Variants in FZD3 observed in about 807,000 individuals in gnomAD.
FZD3 encodes frizzled-3.
A neutral mutation model predicts 60.7 loss-of-function variants in FZD3; 30 were observed. The ratio of observed to expected loss-of-function variants is 0.49; its 90% CI spans 0.37 to 0.67. The LOEUF is 0.67. Among genes scored for constraint, FZD3 ranks in the 30% least tolerant of loss-of-function variants. The pLI is 0.00. For synonymous variants in FZD3, 246 were observed against 275.2 expected (o/e 0.89, Z 1.05); for missense variants, 605 against 838.7 (o/e 0.72, Z 3.44).
chr8:28,531,184 A>G (rs527836127), intron 5 of FZD3, among the ~76,000 whole-genome samples: 1 of 145,740 alleles, frequency 6.9e-6, no homozygotes, highest in Non-Finnish European at 1.5e-5. Flanking sequence ...GGTATTTTTC[A>G]TTCTCCTGAA....
intron 6 of FZD3, 121 bp from the exon 7 acceptor site, chr8:28,555,617 C>G (rs1805493711): frequency 1.5e-6 from 1 of 662,182 alleles, no homozygotes; most frequent in Non-Finnish European, 2.7e-6. Context: ...CATGTCAGTC[C>G]TATAGATCTA....
In FZD3 at chr8:28,528,120, A is replaced by G. The variant is rs368964858; in HGVS notation, c.1360A>G (p.Ile454Val). The change falls in exon 5 of 8, where the codon ATA (isoleucine) becomes GTA (valine). Residue 454 changes from isoleucine (I) to valine (V), a missense_variant. Coordinates refer to ENST00000240093, the MANE Select transcript of FZD3 (RefSeq NM_017412.4). ...CCGGGGCATCTGGGAAACAACGTGG[A>G]TACAAGAACGCTGCAGAGAATATCA... Reference protein sequence around the residue: ...AYRGIWETTWIQERCREYHIP... With the variant: ...AYRGIWETTWVQERCREYHIP... 1.2e-6 allele frequency: 2 copies of G among 1,613,778 alleles called. No individual in the cohort carries two copies. The highest frequency in any genetic ancestry group is 1.1e-5 in the South Asian group (1 of 91,080).
chr8:28,545,710 T>C (rs1805278102), intron 5 of FZD3, among the ~76,000 whole-genome samples: 1 of 152,236 alleles, frequency 6.6e-6, no homozygotes, highest in Non-Finnish European at 1.5e-5. Flanking sequence ...CTGTGAGAGA[T>C]AATAAATTCT....
intron 3 of FZD3, among the ~76,000 whole-genome samples, chr8:28,508,465 A>C (rs545974435): frequency 1.3e-3 from 186 of 139,742 alleles, no homozygotes; most frequent in African/African-American, 4.8e-3. Context: ...GTCCATCATG[A>C]GTTTATACTG....
At chr8:28,498,158 G>A (rs1373598478) in intron 1 of FZD3, among the ~76,000 whole-genome samples, 1 of 152,110 alleles carries the variant, frequency 6.6e-6, no homozygotes, top group Non-Finnish European at 1.5e-5. Flanking sequence ...TTGCTCTATG[G>A]AGAAGTGAAT....
intron 4 of FZD3, among the ~76,000 whole-genome samples, chr8:28,523,862 C>G (rs1465407128): frequency 6.6e-6 from 1 of 152,074 alleles, no homozygotes; most frequent in Non-Finnish European, 1.5e-5. Context: ...AGGACTCTGC[C>G]CTCATGAATA....
intron 3 of FZD3, among the ~76,000 whole-genome samples, chr8:28,516,489 G>A (rs147811610): frequency 6.6e-6 from 1 of 152,146 alleles, no homozygotes; most frequent in African/African-American, 2.4e-5. Context: ...TCTCTTTTGG[G>A]AGTATTGCCA....
intron 3 of FZD3, among the ~76,000 whole-genome samples, chr8:28,513,199 A>C (rs905787913): frequency 6.6e-6 from 1 of 152,214 alleles, no homozygotes; most frequent in African/African-American, 2.4e-5. Flanking sequence ...CTTGTGTGAC[A>C]GATCACTATA....
intron 3 of FZD3, among the ~76,000 whole-genome samples, chr8:28,510,995 C>T (rs1804272041): frequency 1.3e-5 from 2 of 152,042 alleles, no homozygotes; most frequent in South Asian, 2.1e-4. Context: ...CGAGATCATG[C>T]CACTGCACTC....
intron 3 of FZD3, among the ~76,000 whole-genome samples, chr8:28,504,413 T>C (rs998627947): frequency 1.3e-5 from 2 of 152,204 alleles, no homozygotes; most frequent in Non-Finnish European, 2.9e-5. Flanking sequence ...ATTAAAGCTA[T>C]CAATTTCTCA....
At chr8:28,508,882 A>C (rs997339528) in intron 3 of FZD3, among the ~76,000 whole-genome samples, 2 of 152,152 alleles carry the variant, frequency 1.3e-5, no homozygotes, top group Admixed American at 6.5e-5. Flanking sequence ...CTTATCCTCA[A>C]ATTTATTATA....
chr8:28,540,931 G>T (rs1316420932), intron 5 of FZD3, among the ~76,000 whole-genome samples: 1 of 152,230 alleles, frequency 6.6e-6, no homozygotes, highest in African/African-American at 2.4e-5. Context: ...GGGCGACAGA[G>T]TGAGCCCCTT....
chr8:28,518,310 G>T lies in FZD3; in HGVS notation c.190-2328G>T, dbSNP rs576284518. ...TGAGCTCAGGTGATCCTCCTGCCTC[G>T]GCCTCTCAGAGTGCTGAGATTACAG... On this transcript the variant is annotated intron_variant, in intron 3 of 7. Transcript: ENST00000240093. Among the ~76,000 whole-genome samples the T allele has an allele frequency of 1.1e-4, 17 of 151,246 alleles. No homozygotes were observed. In the South Asian group the frequency reaches 3.1e-3, roughly 28 times the overall value.
chr8:28,508,792 T>C (rs760872173), intron 3 of FZD3, among the ~76,000 whole-genome samples: 9 of 152,226 alleles, frequency 5.9e-5, no homozygotes, highest in Non-Finnish European at 1.0e-4. Flanking sequence ...ACCAAAGTGC[T>C]GGAATTACAG....
Position 28,527,404 on chromosome 8 carries a change from C to G in FZD3, c.644C>G (p.Ser215Trp). The G allele has an allele frequency of 6.2e-7, 1 of 1,613,862 alleles. No individual in the cohort carries two copies. The highest frequency in any genetic ancestry group is 8.5e-7 in the Non-Finnish European group (1 of 1,179,760). Residue 215 changes from serine to tryptophan, a missense_variant, in exon 5 of 8, where the codon TCG (serine) becomes TGG (tryptophan). Transcript: ENST00000240093. The surrounding 1 kb of genome is among the most constrained non-coding windows in gnomAD (Gnocchi z 5.0). ...GGATTGATTTCAATCATTTGCCTCTCGGCCACATTGTTTACTTTTTTAACT... is the reference window on the plus strand; with the variant it reads ...GGATTGATTTCAATCATTTGCCTCTGGGCCACATTGTTTACTTTTTTAACT... ...FIGLISIICL[S>W]ATLFTFLTFL... is the part of the protein sequence containing the mutation.
chr8:28,536,838 A>G (rs1050809512), intron 5 of FZD3, among the ~76,000 whole-genome samples: 1 of 152,228 alleles, frequency 6.6e-6, no homozygotes, highest in African/African-American at 2.4e-5. Context: ...ATAACATTAA[A>G]TCTAATTTGT....
intron 3 of FZD3, 35 bp from the exon 4 acceptor site, chr8:28,520,603 C>T: frequency 7.7e-7 from 1 of 1,294,026 alleles, no homozygotes; most frequent in Non-Finnish European, 1.1e-6. Flanking sequence ...GTATACAGCT[C>T]TTTAACTAAT....
intron 5 of FZD3, among the ~76,000 whole-genome samples, chr8:28,529,706 T>G (rs924770279): frequency 6.6e-6 from 1 of 152,180 alleles, no homozygotes; most frequent in Non-Finnish European, 1.5e-5. Flanking sequence ...TATTAGCTAC[T>G]GACTTTTTAA....
Position 28,507,789 on chromosome 8 carries a change from A to AT in FZD3, c.189+4601dup, listed in dbSNP as rs71222555. ...TTTAAGTTTCATTGTGAACTCAAGG[A>AT]TTTTTTTTTTTTTTAACATATTTGA... is the stretch of plus-strand genomic sequence containing the variant. On this transcript the variant is annotated intron_variant, in intron 3 of 7. Transcript: ENST00000240093. Among the ~76,000 whole-genome samples the AT allele has an allele frequency of 2.4e-3, 359 of 146,914 alleles. 5 individuals are homozygous for AT. Among genetic ancestry groups the AT allele is most frequent in the East Asian group, 0.019 (93 of 5,020 alleles).
Sources: allele counts gnomAD v4.1 joint callset (sites outside exome capture counted in the v4.1 genomes callset), GRCh38; gene constraint gnomAD v4.1.1; non-coding constraint Gnocchi (gnomAD v3.1); transcripts MANE v1.5; gene names NCBI Gene and HGNC (gene_info 2026-07-23, HGNC 2026-07-21).